The following KAZN variants were observed in gnomAD, a reference collection of about 807,000 sequenced individuals.
The protein encoded by KAZN is kazrin, periplakin interacting protein.
Under a neutral mutation model 87.4 loss-of-function variants are expected in KAZN, and 40 were observed. The observed-to-expected ratio is 0.46, with a 90% confidence interval of 0.36 to 0.60. The LOEUF (loss-of-function observed/expected upper bound fraction) is 0.60. KAZN is among the 20% of genes least tolerant of loss of function. KAZN has a pLI of 0.00. For missense variants in KAZN, 898 were observed against 1,073.9 expected (o/e 0.84, Z 2.29); for synonymous variants, 466 against 458.3 (o/e 1.02, Z -0.22).
intron 1 of KAZN, among the ~76,000 whole-genome samples, chr1:14,080,677 A>T (rs1212970631): frequency 6.6e-6 from 1 of 152,216 alleles, no homozygotes; most frequent in Non-Finnish European, 1.5e-5. Flanking sequence ...TGCTGGCGTG[A>T]GCGTTTTCTG....
chr1:14,204,530 C>A (rs529426110), intron 2 of KAZN, among the ~76,000 whole-genome samples: 1 of 152,300 alleles, frequency 6.6e-6, no homozygotes, highest in Admixed American at 6.5e-5. Context: ...ATTTCTTCCA[C>A]AAGGAGAAAC....
intron 2 of KAZN, among the ~76,000 whole-genome samples, chr1:14,985,963 A>G (rs1666770816): frequency 7.0e-6 from 1 of 143,352 alleles, no homozygotes; most frequent in Non-Finnish European, 1.5e-5. Flanking sequence ...AGATCACGCC[A>G]CTGCACTCCA....
chr1:14,516,255 C>G (rs920384243), intron 2 of KAZN, among the ~76,000 whole-genome samples: 1 of 152,204 alleles, frequency 6.6e-6, no homozygotes, highest in African/African-American at 2.4e-5. Flanking sequence ...CTCTCATGAT[C>G]TCTCTGCCCT....
rs372923906 is a variant in KAZN, at chr1:14,619,151, G to A, written c.226+19928G>A. On this transcript the variant is annotated intron_variant, in intron 1 of 14. Coordinates refer to ENST00000376030, the MANE Select transcript of KAZN (RefSeq NM_201628.3). The stretch of plus-strand genomic sequence containing the variant: ...AGAAGGTTCTGATAAACTAAGAAAA[G>A]GAATCCAGTTTTACTCCATGCACAA... 2.1e-3 allele frequency among the ~76,000 whole-genome samples: 312 copies of A among 152,082 alleles called. 1 individual carries two copies. The highest frequency in any genetic ancestry group is 7.4e-3 in the African/African-American group (305 of 41,492).
chr1:14,781,059 A>G (rs772088341), intron 1 of KAZN, among the ~76,000 whole-genome samples: 3 of 152,184 alleles, frequency 2.0e-5, no homozygotes, highest in Non-Finnish European at 4.4e-5. Context: ...GCGGAGGATC[A>G]CACCTGTAAT....
chr1:14,845,534 G>A (rs1281020603), intron 1 of KAZN, among the ~76,000 whole-genome samples: 1 of 150,652 alleles, frequency 6.6e-6, no homozygotes, highest in African/African-American at 2.5e-5. Flanking sequence ...TGGGTAAGTA[G>A]GTGGATGGAT....
At chr1:14,035,302 G>A (rs1024023789) in intron 1 of KAZN, among the ~76,000 whole-genome samples, 5 of 152,022 alleles carry the variant, frequency 3.3e-5, no homozygotes, top group Non-Finnish European at 5.9e-5. Flanking sequence ...AGTGGTGAAG[G>A]CTCCAGTTTT....
At chr1:14,881,991 G>A (rs1466105120) in intron 1 of KAZN, among the ~76,000 whole-genome samples, 1 of 152,112 alleles carries the variant, frequency 6.6e-6, no homozygotes, top group African/African-American at 2.4e-5. Context: ...CTCTGAAGCT[G>A]GTACTCTGTA....
chr1:14,507,943 G>A (rs1670678530), intron 2 of KAZN, among the ~76,000 whole-genome samples: 1 of 150,750 alleles, frequency 6.6e-6, no homozygotes, highest in Non-Finnish European at 1.5e-5. Context: ...CTCCAGCCTG[G>A]GCAACAGAGC....
chr1:14,879,711 A>G (rs529018645), intron 1 of KAZN, among the ~76,000 whole-genome samples: 18 of 152,324 alleles, frequency 1.2e-4, no homozygotes, highest in Admixed American at 5.2e-4. Context: ...TCCAGAATGA[A>G]GGCTTCGAAT....
chr1:13,973,328 C>T (rs2101054645), intron 1 of KAZN, among the ~76,000 whole-genome samples: 1 of 152,270 alleles, frequency 6.6e-6, no homozygotes, highest in East Asian at 1.9e-4. Flanking sequence ...TGCTTTATTC[C>T]CTAGGAGGCT....
chr1:14,351,812 C>A (rs1267447293), intron 2 of KAZN, among the ~76,000 whole-genome samples: 1 of 152,190 alleles, frequency 6.6e-6, no homozygotes, highest in South Asian at 2.1e-4. Flanking sequence ...GATCTGTGTA[C>A]ATCTTGTAAG....
intron 1 of KAZN, among the ~76,000 whole-genome samples, chr1:14,806,572 T>C (rs1172113501): frequency 6.6e-6 from 1 of 152,142 alleles, no homozygotes; most frequent in Non-Finnish European, 1.5e-5. Flanking sequence ...GGCACTGTCT[T>C]CCATTTTCTT....
At chr1:14,452,186 C>T (rs746074974) in intron 2 of KAZN, among the ~76,000 whole-genome samples, 2 of 152,074 alleles carry the variant, frequency 1.3e-5, no homozygotes, top group Non-Finnish European at 2.9e-5. Flanking sequence ...GTGATCTGCC[C>T]ACCTCGGCAT....
intron 2 of KAZN, among the ~76,000 whole-genome samples, chr1:14,236,039 A>G (rs1258044820): frequency 1.3e-5 from 2 of 152,130 alleles, no homozygotes; most frequent in Non-Finnish European, 2.9e-5. Flanking sequence ...ATCTAATATC[A>G]TCCTAAAAAA....
chr1:14,676,861 C>G (rs1640251846), intron 1 of KAZN, among the ~76,000 whole-genome samples: 1 of 151,998 alleles, frequency 6.6e-6, no homozygotes, highest in Non-Finnish European at 1.5e-5. Flanking sequence ...TGAAAATGTT[C>G]TGGAATTATG....
In KAZN at chr1:14,551,179, A is replaced by G. The variant is rs1324113856; in HGVS notation, c.250-47804A>G. Reference sequence around the variant, plus strand: ...GCCCTTGGCAGTCAACTTCAGACACACTGCCCCAACAGTATTCACTAAACC... The same window carrying G: ...GCCCTTGGCAGTCAACTTCAGACACGCTGCCCCAACAGTATTCACTAAACC... On this transcript the variant is annotated intron_variant, in intron 2 of 16. Transcript: ENST00000636203. Among the ~76,000 whole-genome samples the G allele has an allele frequency of 2.6e-5, 4 of 152,262 alleles. No homozygotes were observed. The East Asian group carries it at 7.7e-4, about 29-fold the overall frequency.
chr1:14,530,586 TGACTTCCGGTTGTTTAAAGA>T (rs1480199506), intron 2 of KAZN, among the ~76,000 whole-genome samples: 1 of 152,092 alleles, frequency 6.6e-6, no homozygotes, highest in East Asian at 1.9e-4. Context: ...TGAGTTCACC[TGACTTCCGGTTGTTTAAAGA>T]GCCTGGCACC....
In KAZN at chr1:14,368,180, G is replaced by A. The variant is rs549484418; in HGVS notation, c.249+187588G>A. Among the ~76,000 whole-genome samples, 210 of 152,140 alleles carry A rather than the reference G, an allele frequency of 1.4e-3. 1 individual carries two copies. The highest frequency in any genetic ancestry group is 4.7e-3 in the African/African-American group (193 of 41,486). On this transcript the variant is annotated intron_variant, in intron 2 of 16. Transcript: ENST00000636203. ...TTTGTTGACTGCTATGAGGGTATAC[G>A]GTGCAAGGAAAGAAAACAGGAGCAG...
Sources: allele counts gnomAD v4.1 joint callset (sites outside exome capture counted in the v4.1 genomes callset), GRCh38; gene constraint gnomAD v4.1.1; transcripts MANE v1.5; gene names NCBI Gene and HGNC (gene_info 2026-07-23, HGNC 2026-07-21).